Variants in RSPO2 observed in about 807,000 individuals in gnomAD.
RSPO2 encodes the protein R-spondin-2.
Under a neutral mutation model 30.9 loss-of-function variants are expected in RSPO2, and 14 were observed. The ratio of observed to expected loss-of-function variants is 0.45; its 90% CI spans 0.30 to 0.71. The LOEUF is 0.71. Ranked by LOEUF, RSPO2 falls within the 30% of genes least tolerant of loss-of-function variation. The probability of loss-of-function intolerance (pLI) is 0.08; values close to 1 mark genes in which losing one functional copy is unlikely to be tolerated. For missense variants in RSPO2, 264 were observed against 301.9 expected (o/e 0.87, Z 0.93); for synonymous variants, 107 against 96.4 (o/e 1.11, Z -0.64).
chr8:107,982,396 T>C (rs1419363636), intron 3 of RSPO2, among the ~76,000 whole-genome samples: 1 of 152,188 alleles, frequency 6.6e-6, no homozygotes, highest in African/African-American at 2.4e-5. Context: ...AATTGCTGAA[T>C]AAATGTTTGT....
chr8:107,905,247 C>T (rs1366086280), intron 5 of RSPO2, among the ~76,000 whole-genome samples: 5 of 152,026 alleles, frequency 3.3e-5, no homozygotes, highest in Admixed American at 1.3e-4. Flanking sequence ...GAGTAAGGCA[C>T]CGAGGCTGTC....
At chr8:107,912,550 G>C (rs1248500585) in intron 5 of RSPO2, among the ~76,000 whole-genome samples, 1 of 152,182 alleles carries the variant, frequency 6.6e-6, no homozygotes, top group Non-Finnish European at 1.5e-5. Context: ...CATCTCTCCT[G>C]TGGACATATT....
chr8:108,049,985 C>T (rs1812028037), intron 2 of RSPO2, among the ~76,000 whole-genome samples: 1 of 152,112 alleles, frequency 6.6e-6, no homozygotes, highest in Admixed American at 6.5e-5. Context: ...GAAAGAACCC[C>T]CCAAAACTAT....
intron 5 of RSPO2, among the ~76,000 whole-genome samples, chr8:107,955,576 AAAG>A (rs973091568): frequency 2.0e-5 from 3 of 152,078 alleles, no homozygotes; most frequent in African/African-American, 7.3e-5. Context: ...TTTTTTAAAA[AAAG>A]AAAGCAAATA....
At chr8:108,082,321 G>A (rs970289152) in intron 2 of RSPO2, among the ~76,000 whole-genome samples, 3 of 152,162 alleles carry the variant, frequency 2.0e-5, no homozygotes, top group Non-Finnish European at 4.4e-5. Flanking sequence ...CCGGCTCGCC[G>A]AGCTCCCAGC....
chr8:108,063,241 G>C (rs772026382), intron 2 of RSPO2, among the ~76,000 whole-genome samples: 1 of 151,800 alleles, frequency 6.6e-6, no homozygotes, highest in Non-Finnish European at 1.5e-5. Context: ...GAAGTCAATT[G>C]TCCCCGTTTG....
At chr8:108,013,473 A>C (rs1198672610) in intron 2 of RSPO2, among the ~76,000 whole-genome samples, 1 of 152,206 alleles carries the variant, frequency 6.6e-6, no homozygotes, top group Non-Finnish European at 1.5e-5. Flanking sequence ...AAACTGACTT[A>C]AGACTACACT....
chr8:107,997,046 T>C lies in RSPO2; in HGVS notation c.95-7802A>G, dbSNP rs73700362. 1.7e-3 allele frequency: 485 copies of C among 289,146 alleles called. 2 individuals are homozygous for C. Among genetic ancestry groups the C allele is most frequent in the African/African-American group, 0.01 (457 of 44,366 alleles). The allele number at this position is 289,146 out of a possible 1,614,324, so 17.9% of individuals were successfully genotyped here. The stretch of plus-strand genomic sequence containing the variant: ...AATCTTCAATCATGATGCTGCTCAG[T>C]GCTGAAGGACAAGAGCCCATGTGAT... On this transcript the variant is annotated intron_variant, in intron 2 of 5. Transcript: ENST00000276659.
At chr8:108,062,412 T>C (rs1459626722) in intron 2 of RSPO2, among the ~76,000 whole-genome samples, 1 of 151,796 alleles carries the variant, frequency 6.6e-6, no homozygotes, top group African/African-American at 2.4e-5. Flanking sequence ...TAAACACCTC[T>C]ACACAAATAA....
At chr8:107,919,946 T>A (rs986368696) in intron 5 of RSPO2, among the ~76,000 whole-genome samples, 2 of 152,128 alleles carry the variant, frequency 1.3e-5, no homozygotes, top group African/African-American at 2.4e-5. Flanking sequence ...ATGAAGAACA[T>A]TTTTCACTGA....
intron 3 of RSPO2, among the ~76,000 whole-genome samples, chr8:107,973,436 G>C (rs1814079935): frequency 6.6e-6 from 1 of 151,808 alleles, no homozygotes; most frequent in South Asian, 2.1e-4. Context: ...CTTTATGAAA[G>C]AAAAAAGAAT....
chr8:108,054,289 A>T (rs1414485515), intron 2 of RSPO2, among the ~76,000 whole-genome samples: 1 of 152,026 alleles, frequency 6.6e-6, no homozygotes, highest in Non-Finnish European at 1.5e-5. Flanking sequence ...TCCAGTGGAG[A>T]TTTGCAGCAG....
chr8:107,922,428 G>A (rs1812202918), intron 5 of RSPO2, among the ~76,000 whole-genome samples: 1 of 151,828 alleles, frequency 6.6e-6, no homozygotes, highest in African/African-American at 2.4e-5. Flanking sequence ...GCTCAGAGAA[G>A]TCAGATATGA....
chr8:107,954,417 TA>T (rs1267145953), intron 5 of RSPO2, among the ~76,000 whole-genome samples: 4 of 152,170 alleles, frequency 2.6e-5, no homozygotes, highest in Admixed American at 2.6e-4. Flanking sequence ...TATATATTCA[TA>T]AATTGGTCCC....
At chr8:107,945,687 C>G (rs138527750) in intron 5 of RSPO2, among the ~76,000 whole-genome samples, 1 of 152,180 alleles carries the variant, frequency 6.6e-6, no homozygotes. Flanking sequence ...CTCAGTTTAT[C>G]TTTTCCCTTC....
chr8:107,979,850 C>T (rs996925183), intron 3 of RSPO2, among the ~76,000 whole-genome samples: 3 of 152,242 alleles, frequency 2.0e-5, no homozygotes, highest in Non-Finnish European at 2.9e-5. Context: ...CCTGGGATTA[C>T]AGCAACAGCT....
chr8:107,962,037 G>C (rs1813643747), intron 3 of RSPO2, among the ~76,000 whole-genome samples: 1 of 152,158 alleles, frequency 6.6e-6, no homozygotes, highest in East Asian at 1.9e-4. Flanking sequence ...AACAGATTGT[G>C]GTACATTATT....
rs1811923193 is a variant in RSPO2 at position 108,046,917 on chromosome 8, ATATAG to A, written c.94+35623_94+35627del. On this transcript the variant is annotated intron_variant, in intron 2 of 5. Transcript: ENST00000276659. ...AAGATATAACTGAAAAAATAAATATATATAGTAATCATTCCCAAGGACAATAGTTG... is the reference window on the plus strand; with the variant it reads ...AAGATATAACTGAAAAAATAAATATATAATCATTCCCAAGGACAATAGTTG... Among the ~76,000 whole-genome samples the A allele has an allele frequency of 2.6e-5, 4 of 152,334 alleles. No individual in the cohort carries two copies. The South Asian group carries it at 6.2e-4, about 24-fold the overall frequency.
At chr8:107,938,538 C>T (rs1209369124) in intron 5 of RSPO2, among the ~76,000 whole-genome samples, 3 of 152,202 alleles carry the variant, frequency 2.0e-5, no homozygotes, top group African/African-American at 7.2e-5. Context: ...TCAACCAAGT[C>T]GATTAAAAAT....
Sources: gnomAD v4.1 joint callset for allele counts (sites outside exome capture counted in the v4.1 genomes callset) on GRCh38, gnomAD v4.1.1 for gene constraint, MANE v1.5 for transcripts, NCBI Gene and HGNC (gene_info 2026-07-23, HGNC 2026-07-21) for gene names.